PDE1A: variants seen among roughly 807,000 people sequenced by gnomAD.
The protein encoded by PDE1A is phosphodiesterase 1A, also known as dual specificity calcium/calmodulin-dependent 3',5'-cyclic nucleotide phosphodiesterase 1A.
PDE1A carries 35 observed loss-of-function variants against 61.7 expected under a neutral mutation model. The ratio of observed to expected loss-of-function variants is 0.57; its 90% confidence interval spans 0.43 to 0.75. The LOEUF is 0.75. PDE1A is among the 30% of genes least tolerant of loss of function. The pLI is 0.00. For missense variants in PDE1A, 597 were observed against 630.6 expected, an observed-to-expected ratio of 0.95 and a Z score of 0.57; for synonymous variants, 232 against 213.2, an observed-to-expected ratio of 1.09 and a Z score of -0.77.
intron 1 of PDE1A, among the ~76,000 whole-genome samples, chr2:182,270,600 T>C (rs1377734463): frequency 2.6e-5 from 4 of 151,084 alleles, no homozygotes; most frequent in Non-Finnish European, 5.9e-5. Context: ...TTATAATTAT[T>C]ATATAACTAT....
intron 1 of PDE1A, among the ~76,000 whole-genome samples, chr2:182,362,410 C>T (rs1476795137): frequency 6.6e-6 from 1 of 151,810 alleles, no homozygotes; most frequent in African/African-American, 2.4e-5. Flanking sequence ...AAGACAGGAA[C>T]AGGTGATTAC....
intron 1 of PDE1A, among the ~76,000 whole-genome samples, chr2:182,277,300 C>T (rs1287724518): frequency 6.6e-6 from 1 of 152,106 alleles, no homozygotes; most frequent in South Asian, 2.1e-4. Flanking sequence ...TGTAAAATTC[C>T]TCTCTTTGTA....
the PDE1A span, among the ~76,000 whole-genome samples, chr2:182,673,189 C>G: frequency 6.6e-6 from 1 of 152,180 alleles, no homozygotes; most frequent in African/African-American, 2.4e-5. Flanking sequence ...GCCTAAGCCA[C>G]TATGGTGACT....
intron 1 of PDE1A, among the ~76,000 whole-genome samples, chr2:182,324,240 T>C (rs1209066486): frequency 6.6e-6 from 1 of 151,988 alleles, no homozygotes; most frequent in Non-Finnish European, 1.5e-5. Flanking sequence ...ATCTCAGTGA[T>C]TAGAGAACAG....
intron 13 of PDE1A, among the ~76,000 whole-genome samples, chr2:182,157,680 C>G (rs1203178658): frequency 2.6e-5 from 4 of 152,236 alleles, no homozygotes; most frequent in South Asian, 4.2e-4. Flanking sequence ...ATGTAAGTAT[C>G]TGTTACAGAA....
At chr2:182,319,256 CAT>C (rs1461488254) in intron 1 of PDE1A, among the ~76,000 whole-genome samples, 8 of 152,138 alleles carry the variant, frequency 5.3e-5, no homozygotes, top group Non-Finnish European at 5.9e-5. Flanking sequence ...ATAACCTAAA[CAT>C]GTTCTGTCAG....
intron 2 of PDE1A, among the ~76,000 whole-genome samples, chr2:182,495,497 G>C (rs765526820): frequency 5.3e-5 from 8 of 152,108 alleles, no homozygotes; most frequent in Non-Finnish European, 8.8e-5. Context: ...TGTAACACAT[G>C]GGTTTTATTT....
At chr2:182,679,169 A>AATG in the PDE1A span, among the ~76,000 whole-genome samples, 1 of 145,096 alleles carries the variant, frequency 6.9e-6, no homozygotes, top group Non-Finnish European at 1.5e-5. Context: ...CATGCCTGGA[A>AATG]ATTATTATTA....
chr2:182,309,126 G>A (rs757257477), intron 1 of PDE1A, among the ~76,000 whole-genome samples: 1 of 151,576 alleles, frequency 6.6e-6, no homozygotes, highest in Non-Finnish European at 1.5e-5. Context: ...TTCCTTTTAC[G>A]TAAAAAGTTG....
the PDE1A span, among the ~76,000 whole-genome samples, chr2:182,700,739 A>C: frequency 7.0e-3 from 997 of 142,580 alleles, 64 homozygotes; most frequent in East Asian, 0.083. Flanking sequence ...AAAAAAAAAA[A>C]ACAGAAAGAA....
rs775589655 is a variant in PDE1A at position 182,201,667 on chromosome 2, CAAAA to C, written c.1004+17_1004+20del. The C allele has an allele frequency of 8.5e-7, 1 of 1,178,462 alleles. No individual in the cohort carries two copies. 73.0% of individuals were successfully genotyped at this position (1,178,462 alleles called of 1,614,324 possible). On this transcript the variant is annotated intron_variant, in intron 9 of 13. Coordinates refer to ENST00000351439, the Ensembl canonical transcript of PDE1A. ...TAACATGACAAAAAAAAAAAAACAA[CAAAA>C]AAAACACAAAACCTACCCTTCAGGC...
chr2:182,570,082 G>A, the PDE1A span, among the ~76,000 whole-genome samples: 1 of 152,192 alleles, frequency 6.6e-6, no homozygotes, highest in East Asian at 1.9e-4. Context: ...TGCTTCCCTG[G>A]GGTTTGGGGA....
chr2:182,425,296 C>G (rs1026895415), intron 1 of PDE1A, among the ~76,000 whole-genome samples: 2 of 152,028 alleles, frequency 1.3e-5, no homozygotes, highest in Admixed American at 1.3e-4. Flanking sequence ...TTTTTGAAGT[C>G]GCACGTGCAC....
chr2:182,566,316 A>G, the PDE1A span, among the ~76,000 whole-genome samples: 1 of 152,060 alleles, frequency 6.6e-6, no homozygotes, highest in Non-Finnish European at 1.5e-5. Context: ...TACACCTTCT[A>G]ATACTGTAAT....
chr2:182,458,650 G>A (rs1441635465), intron 2 of PDE1A, among the ~76,000 whole-genome samples: 4 of 152,058 alleles, frequency 2.6e-5, no homozygotes, highest in Admixed American at 2.6e-4. Flanking sequence ...GCAGACTCAA[G>A]ACTAAGTCCC....
upstream of PDE1A, among the ~76,000 whole-genome samples, chr2:182,526,284 A>C (rs1175648008): frequency 6.6e-6 from 1 of 152,202 alleles, no homozygotes; most frequent in Non-Finnish European, 1.5e-5. Flanking sequence ...TGAATGCATA[A>C]CTGAACCTAT....
chr2:182,269,938 C>T (rs374077921), intron 1 of PDE1A, among the ~76,000 whole-genome samples: 174 of 152,044 alleles, frequency 1.1e-3, no homozygotes, highest in African/African-American at 4.0e-3. Flanking sequence ...TTGGTATATA[C>T]CTTCATTTTT....
chr2:182,656,705 T>A, the PDE1A span, among the ~76,000 whole-genome samples: 5 of 152,252 alleles, frequency 3.3e-5, no homozygotes, highest in African/African-American at 1.2e-4. Context: ...CATACCATAT[T>A]TGTATTCCTT....
chr2:182,497,332 C>T (rs1688778117), intron 2 of PDE1A, among the ~76,000 whole-genome samples: 1 of 151,946 alleles, frequency 6.6e-6, no homozygotes, highest in African/African-American at 2.4e-5. Flanking sequence ...AGGGTTTCAC[C>T]CTAAAGATCC....
Sources: allele counts gnomAD v4.1 joint callset (sites outside exome capture counted in the v4.1 genomes callset), GRCh38; gene constraint gnomAD v4.1.1; transcripts MANE v1.5; gene names NCBI Gene and HGNC (gene_info 2026-07-23, HGNC 2026-07-21).